Variants in LMOD1 observed in about 807,000 individuals in gnomAD.
The protein encoded by LMOD1 is leiomodin 1.
LMOD1 carries 8 observed loss-of-function variants against 36.5 expected under a neutral mutation model. The observed-to-expected ratio is 0.22, with a 90% CI of 0.13 to 0.40. LMOD1 has a LOEUF of 0.40. LMOD1 is among the 10% of genes least tolerant of loss of function. The pLI, the probability that LMOD1 is intolerant of heterozygous loss-of-function variation, is 1.00. For synonymous variants in LMOD1, 284 were observed against 288.7 expected, an observed-to-expected ratio of 0.98 and a Z score of 0.17; for missense variants, 630 against 751.1, an observed-to-expected ratio of 0.84 and a Z score of 1.88.
intron 1 of LMOD1, among the ~76,000 whole-genome samples, chr1:201,933,427 A>T (rs2102927884): frequency 6.6e-6 from 1 of 151,248 alleles, no homozygotes; most frequent in South Asian, 2.1e-4. Flanking sequence ...AAAAAAAAAA[A>T]TGCTATAGAC....
At chr1:201,903,225 C>T (rs1036063675) in intron 1 of LMOD1, among the ~76,000 whole-genome samples, 1 of 152,160 alleles carries the variant, frequency 6.6e-6, no homozygotes, top group Non-Finnish European at 1.5e-5. Context: ...GGGACCAGCC[C>T]CTGGGTTTTT....
At chr1:201,898,477 G>T (rs1417779645) in intron 2 of LMOD1, 79 bp from the exon 3 acceptor site, 15 of 1,262,078 alleles carry the variant, frequency 1.2e-5, no homozygotes, top group Non-Finnish European at 1.7e-5. Flanking sequence ...GGACACACAA[G>T]ACACTGCAAT....
At chr1:201,904,933 ACTT>A (rs1048945624) in intron 1 of LMOD1, among the ~76,000 whole-genome samples, 3 of 152,166 alleles carry the variant, frequency 2.0e-5, no homozygotes, top group East Asian at 1.9e-4. Context: ...GGCTAGGAAA[ACTT>A]CTTCTTGCTT....
At chr1:201,909,236 T>C (rs1681454552) in intron 1 of LMOD1, among the ~76,000 whole-genome samples, 1 of 152,050 alleles carries the variant, frequency 6.6e-6, no homozygotes, top group Non-Finnish European at 1.5e-5. Flanking sequence ...CTTGTGAGTG[T>C]GTGAGGCAAC....
chr1:201,916,589 A>C (rs1681615928), intron 1 of LMOD1, among the ~76,000 whole-genome samples: 1 of 151,960 alleles, frequency 6.6e-6, no homozygotes, highest in South Asian at 2.1e-4. Flanking sequence ...AATTGTCTTT[A>C]AATAACTGAG....
At chr1:201,904,560 T>C (rs2102911300) in intron 1 of LMOD1, among the ~76,000 whole-genome samples, 1 of 152,280 alleles carries the variant, frequency 6.6e-6, no homozygotes. Context: ...ACTTCTCCCC[T>C]TTATCCTAAT....
rs545415984 is a variant in LMOD1, at chr1:201,934,167, G to A, written c.261+11913C>T. 3.1e-4 allele frequency among the ~76,000 whole-genome samples: 47 copies of A among 152,282 alleles called. 1 individual carries two copies. In the East Asian group the frequency reaches 8.3e-3, roughly 27 times the overall value. On this transcript the variant is annotated intron_variant, in intron 1 of 2. Transcript: ENST00000367288. ...TGTTCTCATGCCAGATTTCATGTCCGGAAGTACTTTCATGTTTTCTCTGCC... is the reference window on the plus strand; with the variant it reads ...TGTTCTCATGCCAGATTTCATGTCCAGAAGTACTTTCATGTTTTCTCTGCC...
chr1:201,904,370 C>G (rs1425689494), intron 1 of LMOD1, among the ~76,000 whole-genome samples: 1 of 152,050 alleles, frequency 6.6e-6, no homozygotes, highest in Non-Finnish European at 1.5e-5. Flanking sequence ...GCCACCATGC[C>G]TAGCTAATTT....
chr1:201,913,973 T>A (rs1234487521), intron 1 of LMOD1, among the ~76,000 whole-genome samples: 1 of 152,198 alleles, frequency 6.6e-6, no homozygotes, highest in Non-Finnish European at 1.5e-5. Context: ...TATGAACATA[T>A]CTGTGTGGGT....
Position 201,899,626 on chromosome 1 carries a change from C to T in LMOD1, c.1387G>A (p.Val463Ile). ...HFELAGPRMTVTNLLSRNMDK... is the reference protein window; with the variant it reads ...HFELAGPRMTITNLLSRNMDK... ...ATGTTGCGGCTGAGCAGATTGGTGA[C>T]AGTCATTCGGGGCCCGGCCAGCTCA... The change falls in exon 2 of 3, where the codon GTC (valine) becomes ATC (isoleucine). Residue 463 changes from valine (V) to isoleucine (I), a missense_variant. This residue lies in a region of LMOD1 where 144 missense variants were observed against 169.8 expected (regional missense o/e 0.85). Transcript: ENST00000367288. This position sits in a 1 kb window ranked among gnomAD's most constrained non-coding sequence, Gnocchi z 6.3. 1 of 1,612,982 alleles carries T rather than the reference C, an allele frequency of 6.2e-7. No homozygotes were observed. Among genetic ancestry groups the T allele is most frequent in the Non-Finnish European group, 8.5e-7 (1 of 1,179,478 alleles).
chr1:201,932,363 G>T (rs2102927226), intron 1 of LMOD1, among the ~76,000 whole-genome samples: 1 of 152,184 alleles, frequency 6.6e-6, no homozygotes, highest in South Asian at 2.1e-4. Context: ...CTTTAGTGAA[G>T]TGTCCAAATC....
chr1:201,901,528 A>ATG (rs1239907015), intron 1 of LMOD1, among the ~76,000 whole-genome samples: 2 of 41,090 alleles, frequency 4.9e-5, no homozygotes, highest in African/African-American at 2.1e-4. Flanking sequence ...ATATATATAT[A>ATG]TGTATATATA....
chr1:201,900,774 T>C, intron 1 of LMOD1, 23 bp from the exon 2 acceptor site: 1 of 1,557,428 alleles, frequency 6.4e-7, no homozygotes, highest in Non-Finnish European at 8.7e-7. Flanking sequence ...AAAAGAAAAA[T>C]AATCATGAAA....
At chr1:201,913,605 T>G (rs1413022499) in intron 1 of LMOD1, among the ~76,000 whole-genome samples, 1 of 152,096 alleles carries the variant, frequency 6.6e-6, no homozygotes, top group Non-Finnish European at 1.5e-5. Context: ...AGACTCTGTC[T>G]CAAAAGAAAA....
chr1:201,908,150 G>A (rs552350045), intron 1 of LMOD1, among the ~76,000 whole-genome samples: 11 of 152,294 alleles, frequency 7.2e-5, no homozygotes, highest in Admixed American at 2.6e-4. Context: ...CAGTGGCTCA[G>A]GGACTAGGTC....
intron 1 of LMOD1, among the ~76,000 whole-genome samples, chr1:201,908,776 C>T (rs67531894): frequency 0.2 from 31,090 of 152,040 alleles, 3,345 homozygotes; most frequent in South Asian, 0.25. Context: ...TGCACCATCC[C>T]CAAATAACCC....
intron 1 of LMOD1, among the ~76,000 whole-genome samples, chr1:201,925,349 G>C (rs1681810691): frequency 6.6e-6 from 1 of 152,188 alleles, no homozygotes; most frequent in African/African-American, 2.4e-5. Flanking sequence ...AGGATCAAAA[G>C]AGATAACGTA....
At chr1:201,902,893 A>C (rs1281813137) in intron 1 of LMOD1, among the ~76,000 whole-genome samples, 1 of 152,226 alleles carries the variant, frequency 6.6e-6, no homozygotes, top group Non-Finnish European at 1.5e-5. Flanking sequence ...TGGCAGAGTT[A>C]GACATTAGAC....
At chr1:201,940,436 C>T (rs998927373) in intron 1 of LMOD1, among the ~76,000 whole-genome samples, 1 of 151,914 alleles carries the variant, frequency 6.6e-6, no homozygotes. Flanking sequence ...CCACCCGCCT[C>T]GGCCTCCCCA....
Sources: gnomAD v4.1 joint callset for allele counts (sites outside exome capture counted in the v4.1 genomes callset) on GRCh38, gnomAD v4.1.1 for gene constraint, gnomAD v4.1.1 regional missense constraint, Gnocchi (gnomAD v3.1) non-coding constraint, MANE v1.5 for transcripts, NCBI Gene and HGNC (gene_info 2026-07-23, HGNC 2026-07-21) for gene names.